IFRD1: variants seen among roughly 807,000 people sequenced by gnomAD.
IFRD1 encodes interferon-related developmental regulator 1.
Under a neutral mutation model 52.9 loss-of-function variants are expected in IFRD1, and 35 were observed. The ratio of observed to expected loss-of-function variants is 0.66; its 90% CI spans 0.51 to 0.88. The LOEUF (loss-of-function observed/expected upper bound fraction) is 0.88, where lower values mean the gene tolerates loss of function less well. Ranked by LOEUF, IFRD1 falls within the 40% of genes least tolerant of loss-of-function variation. The pLI, the probability that IFRD1 is intolerant of heterozygous loss-of-function variation, is 0.00. For missense variants in IFRD1, 517 were observed against 550.8 expected, an observed-to-expected ratio of 0.94 and a Z score of 0.61; for synonymous variants, 184 against 188.4, an observed-to-expected ratio of 0.98 and a Z score of 0.19.
intron 1 of IFRD1, 89 bp downstream of exon 1, chr7:112,450,871 T>TAGCCAAACCACGCA: frequency 1.1e-6 from 1 of 898,576 alleles, no homozygotes; most frequent in Non-Finnish European, 1.8e-6. Context: ...TGTAGTTCTT[T>TAGCCAAACCACGCA]CTCTGATGTA....
intron 5 of IFRD1, chr7:112,461,435 A>G (rs1395745222): frequency 6.5e-6 from 1 of 154,746 alleles, no homozygotes; most frequent in Non-Finnish European, 1.4e-5. Context: ...ATGATCTAGT[A>G]AGCACCTGTA....
upstream of IFRD1, chr7:112,450,354 A>C: frequency 3.2e-6 from 1 of 310,802 alleles, no homozygotes. Context: ...GGAGGCGTCC[A>C]GTGGGGAGGT....
At chr7:112,434,637 C>A (rs749195071) in intron 1 of IFRD1, among the ~76,000 whole-genome samples, 2 of 152,116 alleles carry the variant, frequency 1.3e-5, no homozygotes, top group African/African-American at 2.4e-5. Flanking sequence ...AAATTTTTAT[C>A]AATTCCATGT....
chr7:112,447,959 T>A (rs1388507492), upstream of IFRD1, among the ~76,000 whole-genome samples: 4 of 152,098 alleles, frequency 2.6e-5, no homozygotes, highest in Admixed American at 2.6e-4. Flanking sequence ...TAGTGATACA[T>A]AAGTTTCTCC....
chr7:112,453,428 G>T (rs982385280), intron 1 of IFRD1, among the ~76,000 whole-genome samples: 2 of 152,006 alleles, frequency 1.3e-5, no homozygotes, highest in Non-Finnish European at 2.9e-5. Context: ...TTCATACAGG[G>T]TTCTTTTTCT....
chr7:112,443,849 T>C (rs1794955331), intron 1 of IFRD1, among the ~76,000 whole-genome samples: 1 of 125,918 alleles, frequency 7.9e-6, no homozygotes, highest in Non-Finnish European at 1.7e-5. Context: ...GTGACAAGAG[T>C]GAAACTCTGT....
chr7:112,456,825 G>A (rs6967894), intron 3 of IFRD1, 89 bp from the exon 4 acceptor site: 190,116 of 1,237,996 alleles, frequency 0.15, 16,211 homozygotes, highest in South Asian at 0.29. Flanking sequence ...CTATACATAG[G>A]TAAAGTTTAG....
intron 9 of IFRD1, among the ~76,000 whole-genome samples, chr7:112,471,334 G>A (rs1435148793): frequency 1.3e-5 from 2 of 152,146 alleles, no homozygotes; most frequent in Non-Finnish European, 2.9e-5. Flanking sequence ...TTGCATGTCT[G>A]TATTAAGTCT....
intron 8 of IFRD1, among the ~76,000 whole-genome samples, chr7:112,466,421 G>T (rs1795609796): frequency 6.6e-6 from 1 of 152,074 alleles, no homozygotes; most frequent in African/African-American, 2.4e-5. Flanking sequence ...ATCTCAGCAC[G>T]CACTGTTGAT....
In IFRD1 at chr7:112,455,756, C is replaced by T. The variant is rs770292328; in HGVS notation, c.95-7C>T. ...ATAATTTACCTCTTTCCTCTTTTAC[C>T]TAATAGGTGGCCAGCATCGAAATGT... On this transcript the variant is annotated splice_region_variant and splice_polypyrimidine_tract_variant and intron_variant, in intron 1 of 11. Transcript: ENST00000403825. 6.3e-7 allele frequency: 1 copy of T among 1,581,522 alleles called. No homozygotes were observed. Among genetic ancestry groups the T allele is most frequent in the East Asian group, 2.2e-5 (1 of 44,704 alleles).
intron 1 of IFRD1, among the ~76,000 whole-genome samples, chr7:112,434,010 CA>C (rs1794610154): frequency 6.6e-6 from 1 of 151,640 alleles, no homozygotes; most frequent in Non-Finnish European, 1.5e-5. Flanking sequence ...TTTTTAGAGA[CA>C]GGGTTTCGCC....
intron 1 of IFRD1, among the ~76,000 whole-genome samples, chr7:112,434,122 T>A (rs1163873150): frequency 6.6e-6 from 1 of 152,192 alleles, no homozygotes; most frequent in Non-Finnish European, 1.5e-5. Context: ...TGTGCCTGAC[T>A]GTCTTATTTT....
At chr7:112,427,819 G>C (rs893716737) in intron 1 of IFRD1, among the ~76,000 whole-genome samples, 1 of 152,210 alleles carries the variant, frequency 6.6e-6, no homozygotes, top group Admixed American at 6.5e-5. Flanking sequence ...TCTGTGAAGT[G>C]CTGCGGATAA....
At chr7:112,463,853 T>TACACAC (rs72284919) in intron 8 of IFRD1, among the ~76,000 whole-genome samples, 65 of 43,456 alleles carry the variant, frequency 1.5e-3, no homozygotes, top group Admixed American at 8.2e-3. Context: ...CACATTTATA[T>TACACAC]ACACACACAC....
At chr7:112,459,139 A>C (rs1053358069) in intron 5 of IFRD1, 121 bp downstream of exon 5, 1 of 831,464 alleles carries the variant, frequency 1.2e-6, no homozygotes, top group East Asian at 2.6e-5. Flanking sequence ...TTGTAAGTCC[A>C]GGAGTTTGAG....
chr7:112,450,849 C>A, intron 1 of IFRD1, 67 bp downstream of exon 1: 3 of 1,102,332 alleles, frequency 2.7e-6, no homozygotes, highest in South Asian at 1.3e-5. Flanking sequence ...CATGCTTCGG[C>A]ACGGTGGGAG....
intron 8 of IFRD1, among the ~76,000 whole-genome samples, chr7:112,463,716 T>C (rs929931040): frequency 1.3e-5 from 2 of 152,088 alleles, no homozygotes; most frequent in African/African-American, 4.8e-5. Context: ...TTCTTTTTTT[T>C]CCTTGGAAAT....
intron 1 of IFRD1, among the ~76,000 whole-genome samples, chr7:112,455,224 C>CCAA (rs1795260041): frequency 1.3e-5 from 2 of 151,838 alleles, no homozygotes; most frequent in Admixed American, 1.3e-4. Flanking sequence ...TGGCTCACAC[C>CCAA]TGTAATCTCA....
intron 5 of IFRD1, among the ~76,000 whole-genome samples, chr7:112,460,792 C>CTGATACCAG (rs1795415789): frequency 6.6e-6 from 1 of 152,050 alleles, no homozygotes; most frequent in Non-Finnish European, 1.5e-5. Context: ...AAACCTGGGC[C>CTGATACCAG]TGATACCAAT....
Sources: allele counts gnomAD v4.1 joint callset (sites outside exome capture counted in the v4.1 genomes callset), GRCh38; gene constraint gnomAD v4.1.1; transcripts MANE v1.5; gene names NCBI Gene and HGNC (gene_info 2026-07-23, HGNC 2026-07-21).